The following GPHN variants were observed in gnomAD, a reference collection of about 807,000 sequenced individuals.
The protein encoded by GPHN is gephyrin.
In GPHN, 17 loss-of-function variants were observed where a neutral mutation model predicts 95.5. The ratio of observed to expected loss-of-function variants is 0.18; its 90% CI spans 0.12 to 0.27. The LOEUF is 0.27. Ranked by LOEUF, GPHN falls within the 10% of genes least tolerant of loss-of-function variation. GPHN has a pLI of 1.00. For synonymous variants in GPHN, 320 were observed against 322.5 expected (o/e 0.99, Z 0.08); for missense variants, 660 against 978.1 (o/e 0.67, Z 4.34).
the GPHN span, chr14:67,579,668 G>C: frequency 6.4e-7 from 1 of 1,571,788 alleles, no homozygotes; most frequent in Non-Finnish European, 8.7e-7. Flanking sequence ...ACCAGCCCTA[G>C]TGAGCTCCTC....
the GPHN span, chr14:67,301,583 T>C: frequency 1.8e-6 from 1 of 562,758 alleles, no homozygotes. Flanking sequence ...TTTTGATGTT[T>C]ACAACCCCAT....
chr14:66,584,155 A>G (rs1465235096), intron 1 of GPHN, among the ~76,000 whole-genome samples: 1 of 152,036 alleles, frequency 6.6e-6, no homozygotes, highest in African/African-American at 2.4e-5. Flanking sequence ...GCAATTGTGA[A>G]TGGGAGTTCA....
At chr14:67,143,472 A>G in intron 18 of GPHN, 23 bp downstream of exon 18, 1 of 1,330,396 alleles carries the variant, frequency 7.5e-7, no homozygotes, top group Non-Finnish European at 1.1e-6. Flanking sequence ...GGGCTCGTGA[A>G]AATGTATCTG....
At chr14:66,528,379 T>G (rs1475980796) in intron 1 of GPHN, among the ~76,000 whole-genome samples, 1 of 152,206 alleles carries the variant, frequency 6.6e-6, no homozygotes, top group Non-Finnish European at 1.5e-5. Context: ...ATGGGTCTCC[T>G]GAATACAGCA....
chr14:67,652,937 C>T, the GPHN span, among the ~76,000 whole-genome samples: 1 of 152,090 alleles, frequency 6.6e-6, no homozygotes, highest in Non-Finnish European at 1.5e-5. Flanking sequence ...ATTACAGTGC[C>T]CGCCACTACG....
chr14:66,598,807 C>G (rs1443977705), intron 1 of GPHN, among the ~76,000 whole-genome samples: 4 of 150,410 alleles, frequency 2.7e-5, no homozygotes, highest in Non-Finnish European at 5.9e-5. Flanking sequence ...CCACTGCACT[C>G]CAGCCTGGGC....
chr14:66,644,916 A>G (rs990489403), intron 1 of GPHN, among the ~76,000 whole-genome samples: 1 of 152,158 alleles, frequency 6.6e-6, no homozygotes, highest in African/African-American at 2.4e-5. Flanking sequence ...CATATTTAAA[A>G]TACTAATTTA....
the GPHN span, among the ~76,000 whole-genome samples, chr14:67,538,197 T>C: frequency 3.3e-5 from 5 of 152,204 alleles, no homozygotes; most frequent in African/African-American, 1.2e-4. Flanking sequence ...CATTAATGTA[T>C]TTGTGTTAGA....
chr14:67,148,991 CT>C (rs1348868691), intron 18 of GPHN, among the ~76,000 whole-genome samples: 2 of 152,114 alleles, frequency 1.3e-5, no homozygotes, highest in African/African-American at 4.8e-5. Context: ...ATATGAGAAT[CT>C]GACTTCTGGT....
At chr14:66,898,548 A>G (rs111314743) in intron 5 of GPHN, among the ~76,000 whole-genome samples, 2 of 144,526 alleles carry the variant, frequency 1.4e-5, no homozygotes, top group African/African-American at 5.1e-5. Flanking sequence ...AATCTGGCCT[A>G]TTATTAGTTT....
At chr14:66,995,827 A>G (rs1400975701) in intron 9 of GPHN, among the ~76,000 whole-genome samples, 1 of 152,200 alleles carries the variant, frequency 6.6e-6, no homozygotes, top group Non-Finnish European at 1.5e-5. Context: ...CCTCCCATGT[A>G]GTTCACTAGT....
the GPHN span, among the ~76,000 whole-genome samples, chr14:67,212,933 C>T: frequency 4.0e-5 from 6 of 151,356 alleles, no homozygotes; most frequent in Non-Finnish European, 7.4e-5. Context: ...GCTGTTCAAG[C>T]AAAGCATCGT....
rs530217907 is a variant in GPHN at position 66,508,952 on chromosome 14, G to A, written c.64+361G>A. The A allele has an allele frequency of 9.5e-4, 328 of 344,346 alleles. 1 individual carries two copies. Among genetic ancestry groups the A allele is most frequent in the Non-Finnish European group, 1.4e-3 (247 of 179,630 alleles). The allele number at this position is 344,346 out of a possible 1,614,324, so 21.3% of individuals were successfully genotyped here. On this transcript the variant is annotated intron_variant, in intron 1 of 22. Coordinates refer to ENST00000478722, the MANE Select transcript of GPHN (RefSeq NM_020806.5). ...CCGCAGTCTGAAGCATGCCGCTCTC[G>A]GCTGGCCTGGGCGCATCCTCCGCTA...
At chr14:66,797,467 T>C (rs1401984400) in intron 3 of GPHN, among the ~76,000 whole-genome samples, 1 of 151,954 alleles carries the variant, frequency 6.6e-6, no homozygotes, top group Non-Finnish European at 1.5e-5. Flanking sequence ...TCCATGAACA[T>C]GGAATATGTT....
At chr14:66,763,230 T>C (rs28546076) in intron 2 of GPHN, among the ~76,000 whole-genome samples, 1 of 150,832 alleles carries the variant, frequency 6.6e-6, no homozygotes, top group Non-Finnish European at 1.5e-5. Flanking sequence ...ATCTTTTTTT[T>C]TTTTTCTTTT....
chr14:67,529,450 A>G, the GPHN span, among the ~76,000 whole-genome samples: 1 of 152,216 alleles, frequency 6.6e-6, no homozygotes. Context: ...CAAGTATTCA[A>G]TAGATATTTG....
At chr14:67,106,372 AT>A (rs2078039508) in intron 13 of GPHN, among the ~76,000 whole-genome samples, 1 of 152,120 alleles carries the variant, frequency 6.6e-6, no homozygotes, top group Non-Finnish European at 1.5e-5. Flanking sequence ...TTCAGCTATT[AT>A]TTTATTAAAT....
chr14:67,694,229 C>G, the GPHN span, among the ~76,000 whole-genome samples: 1 of 152,092 alleles, frequency 6.6e-6, no homozygotes, highest in Non-Finnish European at 1.5e-5. Context: ...CCCCACAAAC[C>G]ATCACCTCCC....
intron 9 of GPHN, among the ~76,000 whole-genome samples, chr14:67,020,738 AATT>A (rs2073575886): frequency 6.6e-6 from 1 of 152,094 alleles, no homozygotes; most frequent in African/African-American, 2.4e-5. Context: ...TTGAAAGGGG[AATT>A]ATTTGTCAAT....
Sources: allele counts gnomAD v4.1 joint callset (sites outside exome capture counted in the v4.1 genomes callset), GRCh38; gene constraint gnomAD v4.1.1; transcripts MANE v1.5; gene names NCBI Gene and HGNC (gene_info 2026-07-23, HGNC 2026-07-21).